PADI3: variants seen among roughly 807,000 people sequenced by gnomAD.
PADI3 encodes peptidyl arginine deiminase 3.
Under a neutral mutation model 71.5 loss-of-function variants are expected in PADI3, and 53 were observed. The observed-to-expected ratio is 0.74, with a 90% CI of 0.59 to 0.93. The LOEUF is 0.93. PADI3 is among the 40% of genes least tolerant of loss of function. PADI3 has a pLI of 0.00. For missense variants in PADI3, 821 were observed against 868.0 expected (o/e 0.95, Z 0.68); for synonymous variants, 361 against 347.5 (o/e 1.04, Z -0.43).
intron 1 of PADI3, among the ~76,000 whole-genome samples, chr1:17,258,379 C>T (rs2073054140): frequency 6.6e-6 from 1 of 152,250 alleles, no homozygotes; most frequent in Non-Finnish European, 1.5e-5. Context: ...GCCCGCCAGG[C>T]AGTACCTGAG....
In PADI3 at chr1:17,273,948, G is replaced by A. The variant is rs536689410; in HGVS notation, c.1155+501G>A. Among the ~76,000 whole-genome samples the A allele has an allele frequency of 1.8e-4, 27 of 152,316 alleles. 1 individual carries two copies. In the South Asian group the frequency reaches 5.6e-3, roughly 32 times the overall value. ...GTTTGTGAAGCATCTCATCATCACA[G>A]TACCTGCATGGAGGGAGTGTGTGTG... On this transcript the variant is annotated intron_variant, in intron 10 of 15. Coordinates refer to ENST00000375460, the MANE Select transcript of PADI3 (RefSeq NM_016233.2).
chr1:17,276,642 T>C lies in PADI3; in HGVS notation c.1431T>C (p.Phe477=). The C allele has an allele frequency of 6.2e-7, 1 of 1,614,188 alleles. No homozygotes were observed. The highest frequency in any genetic ancestry group is 8.5e-7 in the Non-Finnish European group (1 of 1,180,030). Residue 477 remains phenylalanine, a synonymous_variant, in exon 12 of 16, where the codon TTT becomes TTC. Transcript: ENST00000375460. ...GCCATGTGGATGAGTTTCTGAGCTT[T>C]GTCCCTGCCCCCGATGGGAAGGTAA... ...AVGHVDEFLS[F]VPAPDGKGFR...
chr1:17,272,377 G>A (rs2073267019), intron 9 of PADI3, among the ~76,000 whole-genome samples: 1 of 152,226 alleles, frequency 6.6e-6, no homozygotes, highest in Non-Finnish European at 1.5e-5. Context: ...TCCAGTGAGA[G>A]GGTTTGGGGC....
chr1:17,267,726 G>A (rs1296641189), intron 5 of PADI3, 111 bp from the exon 6 acceptor site: 28 of 1,288,414 alleles, frequency 2.2e-5, no homozygotes, highest in Non-Finnish European at 2.9e-5. Flanking sequence ...AGCTAGGGCT[G>A]GGAGACCCAG....
In PADI3 at chr1:17,261,150, G is replaced by A. The variant is rs115441717; in HGVS notation, c.274-983G>A. On this transcript the variant is annotated intron_variant, in intron 2 of 15. Coordinates refer to ENST00000375460, the MANE Select transcript of PADI3 (RefSeq NM_016233.2). Reference sequence around the variant, plus strand: ...CCCTCTGGCTGAGATTCGGACATGAGAAGCAGAGAGTTGAGACACCCATGT... The same window carrying A: ...CCCTCTGGCTGAGATTCGGACATGAAAAGCAGAGAGTTGAGACACCCATGT... 2.4e-3 allele frequency among the ~76,000 whole-genome samples: 361 copies of A among 152,328 alleles called. 2 individuals are homozygous for A. The highest frequency in any genetic ancestry group is 4.3e-3 in the Non-Finnish European group (293 of 68,034).
At chr1:17,276,978 G>A (rs543931362) in intron 13 of PADI3, 102 bp downstream of exon 13, 120 of 932,580 alleles carry the variant, frequency 1.3e-4, no homozygotes, top group Non-Finnish European at 1.8e-4. Context: ...TAAAGCAGGG[G>A]TGTGTCCCCA....
chr1:17,254,203 G>T (rs1208734936), intron 1 of PADI3, among the ~76,000 whole-genome samples: 1 of 152,170 alleles, frequency 6.6e-6, no homozygotes, highest in Non-Finnish European at 1.5e-5. Flanking sequence ...AGCGTCGGCG[G>T]ATCTGGGATC....
intron 13 of PADI3, among the ~76,000 whole-genome samples, chr1:17,278,264 A>G (rs988879821): frequency 6.6e-6 from 1 of 152,184 alleles, no homozygotes; most frequent in Non-Finnish European, 1.5e-5. Context: ...GACAGGGTCT[A>G]TCAGCCAGGC....
intron 10 of PADI3, among the ~76,000 whole-genome samples, chr1:17,273,976 C>T (rs1327503160): frequency 2.0e-5 from 3 of 152,040 alleles, no homozygotes; most frequent in Non-Finnish European, 4.4e-5. Context: ...TGTGTGTGCG[C>T]GCACCACTAT....
Position 17,274,785 on chromosome 1 carries a change from GGGT to G in PADI3, c.1307+1_1307+3del. The G allele has an allele frequency of 6.2e-7, 1 of 1,613,034 alleles. No individual in the cohort carries two copies. The highest frequency in any genetic ancestry group is 1.1e-5 in the South Asian group (1 of 90,974). On this transcript the variant is annotated splice_donor_variant and coding_sequence_variant, in exon 11 of 16. Coordinates refer to ENST00000375460, the MANE Select transcript of PADI3 (RefSeq NM_016233.2). LOFTEE classifies it high-confidence loss of function. ...GATCCTCATTGGGGGCAACCTGCCTGGGTGAGAGAGAGACAGGGAATGGAGTTC... is the reference window on the plus strand; with the variant it reads ...GATCCTCATTGGGGGCAACCTGCCTGGAGAGAGAGACAGGGAATGGAGTTC...
chr1:17,282,523 G>C (rs919685540), intron 15 of PADI3, among the ~76,000 whole-genome samples: 1 of 152,168 alleles, frequency 6.6e-6, no homozygotes, highest in African/African-American at 2.4e-5. Flanking sequence ...TGGACCAGCT[G>C]TTCTCCCTGG....
At chr1:17,271,299 G>C (rs777567027) in intron 9 of PADI3, 121 bp downstream of exon 9, 11 of 782,448 alleles carry the variant, frequency 1.4e-5, no homozygotes, top group Non-Finnish European at 2.0e-5. Flanking sequence ...ACTTGCTGCC[G>C]TTTCTAATGT....
intron 3 of PADI3, among the ~76,000 whole-genome samples, chr1:17,262,485 A>G (rs2073115539): frequency 6.6e-6 from 1 of 152,222 alleles, no homozygotes; most frequent in South Asian, 2.1e-4. Context: ...GCCTCCACAA[A>G]TGGATACATA....
intron 1 of PADI3, among the ~76,000 whole-genome samples, chr1:17,250,532 G>T (rs1003982016): frequency 1.3e-5 from 2 of 152,176 alleles, no homozygotes; most frequent in African/African-American, 4.8e-5. Context: ...TTGGATGAGA[G>T]GGGGTGAGGA....
Position 17,257,031 on chromosome 1 carries a change from CAAAAAAAAAA to C in PADI3, c.93-2528_93-2519del, listed in dbSNP as rs967292996. Reference sequence around the variant, plus strand: ...TGGGCGACAGAGCAAGACTCTGTCTCAAAAAAAAAAAAAAAAAAAAAAAAAAAAGGCTTCC... The same window carrying C: ...TGGGCGACAGAGCAAGACTCTGTCTCAAAAAAAAAAAAAAAAAAGGCTTCC... On this transcript the variant is annotated intron_variant, in intron 1 of 15. Transcript: ENST00000375460. Among the ~76,000 whole-genome samples the C allele has an allele frequency of 4.0e-3, 150 of 37,620 alleles. 2 individuals are homozygous for C. The East Asian group carries it at 0.095, about 24-fold the overall frequency. 24.7% of individuals were successfully genotyped at this position (37,620 alleles called of 152,430 possible). A position where few individuals can be genotyped will look rare whatever the true frequency, so the allele number is the denominator to read the frequency against.
chr1:17,257,849 C>A (rs1569881477), intron 1 of PADI3, among the ~76,000 whole-genome samples: 1 of 152,304 alleles, frequency 6.6e-6, no homozygotes, highest in East Asian at 1.9e-4. Context: ...GTAATTATCT[C>A]ATCCTGGGGC....
chr1:17,265,631 G>A (rs1210292358), intron 3 of PADI3, 28 bp from the exon 4 acceptor site: 1 of 1,611,146 alleles, frequency 6.2e-7, no homozygotes, highest in South Asian at 1.1e-5. Context: ...GAACCTTGTA[G>A]TGACTTACCC....
chr1:17,268,995 T>C (rs1235309712), intron 6 of PADI3, among the ~76,000 whole-genome samples: 2 of 150,506 alleles, frequency 1.3e-5, no homozygotes, highest in African/African-American at 4.9e-5. Context: ...AAGCAATCCT[T>C]CCACCTTAGC....
chr1:17,249,920 C>T (rs183919482), intron 1 of PADI3, among the ~76,000 whole-genome samples: 1 of 152,360 alleles, frequency 6.6e-6, no homozygotes, highest in East Asian at 1.9e-4. Flanking sequence ...TTTAGCTGCT[C>T]TGATACTTGG....
Sources: gnomAD v4.1 joint callset for allele counts (sites outside exome capture counted in the v4.1 genomes callset) on GRCh38, gnomAD v4.1.1 for gene constraint, MANE v1.5 for transcripts, NCBI Gene and HGNC (gene_info 2026-07-23, HGNC 2026-07-21) for gene names.